Variants in HIPK2 observed in about 807,000 individuals in gnomAD.
HIPK2 encodes the protein homeodomain interacting protein kinase 2.
In HIPK2, 27 loss-of-function variants were observed where a neutral mutation model predicts 113.7. That is an observed-to-expected ratio of 0.24 (90% confidence interval 0.17 to 0.33). HIPK2 has a LOEUF of 0.33. Ranked by LOEUF, HIPK2 falls within the 10% of genes least tolerant of loss-of-function variation. The pLI, the probability that HIPK2 is intolerant of heterozygous loss-of-function variation, is 1.00. For missense variants in HIPK2, 1,257 were observed against 1,588.0 expected (o/e 0.79, Z 3.54); for synonymous variants, 631 against 642.2 (o/e 0.98, Z 0.26).
intron 14 of HIPK2, 61 bp from the exon 15 acceptor site, chr7:139,573,458 GAGGAGGGGC>G: frequency 1.3e-6 from 2 of 1,503,012 alleles, no homozygotes; most frequent in Non-Finnish European, 9.1e-7. Context: ...GAAGGAATGG[GAGGAGGGGC>G]AGGAGGGCAG....
chr7:139,602,257 A>C (rs1270151828), intron 10 of HIPK2, among the ~76,000 whole-genome samples: 1 of 152,096 alleles, frequency 6.6e-6, no homozygotes, highest in Non-Finnish European at 1.5e-5. Flanking sequence ...CCGACCAAGA[A>C]ACTGATATTA....
intron 2 of HIPK2, among the ~76,000 whole-genome samples, chr7:139,712,676 G>A (rs1355073315): frequency 2.0e-5 from 3 of 152,198 alleles, no homozygotes; most frequent in South Asian, 2.1e-4. Context: ...GGGCCTTAAC[G>A]ATGGACAATT....
chr7:139,575,248 G>A lies in HIPK2; in HGVS notation c.3006C>T (p.Ser1002=), dbSNP rs1021677658. 1.3e-6 allele frequency: 2 copies of A among 1,577,526 alleles called. No individual in the cohort carries two copies. Among genetic ancestry groups the A allele is most frequent in the Non-Finnish European group, 1.7e-6 (2 of 1,161,636 alleles). ...CGCTGGTGGAGGTCACGTTGCTGGA[G>A]GACTTGGACTTGTAGGAGGACGAGT... The part of the protein sequence containing the change: ...SHHSSSYKSK[S]SSNVTSTSGH... The change falls in exon 14 of 15, where the codon TCC becomes TCT. Residue 1002 remains serine, a synonymous_variant. Transcript: ENST00000406875.
intron 9 of HIPK2, among the ~76,000 whole-genome samples, chr7:139,609,361 T>C (rs893665157): frequency 6.6e-6 from 1 of 152,154 alleles, no homozygotes; most frequent in Non-Finnish European, 1.5e-5. Context: ...GAGGCCTGTT[T>C]CCCTGAAAGT....
rs1388325003 is a variant in HIPK2, at chr7:139,564,562, G to A, written c.*8365C>T. ...GGACTCACACCTTTTCCCTCCATCT[G>A]GATTGCCTTTCATGTTCTCTTGAGT... On this transcript the variant is annotated 3_prime_UTR_variant, in exon 15 of 15. Coordinates refer to ENST00000406875, the MANE Select transcript of HIPK2 (RefSeq NM_022740.5). 1 of 152,156 alleles carries A rather than the reference G, an allele frequency of 6.6e-6. No individual in the cohort carries two copies. Among genetic ancestry groups the A allele is most frequent in the African/African-American group, 2.4e-5 (1 of 41,420 alleles). The allele number at this position is 152,156 out of a possible 1,614,324, so 9.4% of individuals were successfully genotyped here. A position where few individuals can be genotyped will look rare whatever the true frequency, so the allele number is the denominator to read the frequency against.
chr7:139,705,186 G>C (rs144122622), intron 2 of HIPK2, among the ~76,000 whole-genome samples: 20,909 of 152,274 alleles, frequency 0.14, 1,490 homozygotes, highest in Non-Finnish European at 0.16. Flanking sequence ...CCAGGCCAAG[G>C]AAAATGCATG....
intron 6 of HIPK2, among the ~76,000 whole-genome samples, 192 bp from the exon 7 acceptor site, chr7:139,620,755 G>A (rs1010065612): frequency 6.6e-6 from 1 of 152,164 alleles, no homozygotes; most frequent in Non-Finnish European, 1.5e-5. Context: ...AACAGGCACG[G>A]TTATTCAGAT....
At chr7:139,757,934 T>C (rs1240163421) in intron 1 of HIPK2, among the ~76,000 whole-genome samples, 1 of 152,194 alleles carries the variant, frequency 6.6e-6, no homozygotes, top group African/African-American at 2.4e-5. Context: ...AGATATTATT[T>C]ACAAGGATTA....
In HIPK2 at chr7:139,604,107, T is replaced by C. The variant is rs773587826; in HGVS notation, c.2229A>G (p.Ala743=). The C allele has an allele frequency of 6.2e-7, 1 of 1,613,920 alleles. No homozygotes were observed. The highest frequency in any genetic ancestry group is 2.2e-5 in the East Asian group (1 of 44,870). ...QHATVIPETM[A]GTQQLADWRN... ...TCCAGTCCGCCAGCTGCTGGGTGCC[T>C]GCCATGGTCTCGGGAATCACGGTGG... Residue 743 remains alanine (A), a synonymous_variant, in exon 10 of 15, where the codon GCA becomes GCG. Coordinates refer to ENST00000406875, the MANE Select transcript of HIPK2 (RefSeq NM_022740.5).
intron 2 of HIPK2, among the ~76,000 whole-genome samples, chr7:139,700,442 A>C (rs1381153040): frequency 6.6e-6 from 1 of 152,216 alleles, no homozygotes; most frequent in Non-Finnish European, 1.5e-5. Context: ...CTTTCCTGCA[A>C]ATACTCAGAA....
At chr7:139,667,512 A>T (rs1474080543) in intron 2 of HIPK2, among the ~76,000 whole-genome samples, 1 of 152,184 alleles carries the variant, frequency 6.6e-6, no homozygotes, top group Non-Finnish European at 1.5e-5. Flanking sequence ...TTTTTGATCT[A>T]CCCTTTGTGA....
Position 139,727,935 on chromosome 7 carries a change from ATTTTTTTTTTT to A in HIPK2, c.20-10931_20-10921del, listed in dbSNP as rs10524758. ...TTTGAAACAAGAGTGGCATTGGCTA[ATTTTTTTTTTT>A]TTTTTTTTTTTTTGAGACAGGGTCT... is the stretch of plus-strand genomic sequence containing the variant. On this transcript the variant is annotated intron_variant, in intron 1 of 14. Transcript: ENST00000406875. Among the ~76,000 whole-genome samples, 697 of 116,722 alleles carry A rather than the reference ATTTTTTTTTTT, an allele frequency of 6.0e-3. 13 individuals are homozygous for A. The highest frequency in any genetic ancestry group is 0.048 in the East Asian group (168 of 3,484). The allele number at this position is 116,722 out of a possible 152,430, so 76.6% of individuals were successfully genotyped here.
At chr7:139,775,100 C>T (rs1333746979) in intron 1 of HIPK2, among the ~76,000 whole-genome samples, 1 of 152,168 alleles carries the variant, frequency 6.6e-6, no homozygotes, top group Non-Finnish European at 1.5e-5. Flanking sequence ...CCTCTCGTGT[C>T]GTTATACTTT....
rs772726482 is a variant in HIPK2, at chr7:139,573,212, G to C, written c.3312C>G (p.Thr1104=). ...AHLPTQPHLY[T]YTAPAALGST... ...AGCCCAGGGCCGCCGGCGCAGTGTA[G>C]GTGTAGAGGTGGGGCTGGGTGGGGA... Residue 1104 remains threonine (T), a synonymous_variant, in exon 15 of 15, where the codon ACC becomes ACG. Transcript: ENST00000406875. 6.2e-6 allele frequency: 10 copies of C among 1,606,192 alleles called. No individual in the cohort carries two copies. The South Asian group carries it at 1.1e-4, about 18-fold the overall frequency.
intron 2 of HIPK2, among the ~76,000 whole-genome samples, chr7:139,636,337 T>C (rs2116332844): frequency 6.6e-6 from 1 of 152,030 alleles, no homozygotes; most frequent in East Asian, 1.9e-4. Flanking sequence ...CCGTCTTCTC[T>C]CCTTCCACCC....
chr7:139,641,711 C>T (rs1014072011), intron 2 of HIPK2, among the ~76,000 whole-genome samples: 6 of 152,262 alleles, frequency 3.9e-5, no homozygotes, highest in East Asian at 1.9e-4. Context: ...AGGGCTGGGA[C>T]GCAGGGTTCA....
chr7:139,620,583 A>C lies in HIPK2; in HGVS notation c.1620-20T>G. On this transcript the variant is annotated intron_variant, in intron 6 of 14. Coordinates refer to ENST00000406875, the MANE Select transcript of HIPK2 (RefSeq NM_022740.5). ...TTGACGCTGTTCATGCAAAAGGCAG[A>C]GGCATATTGAGACATAAGGGGAGGG... 2.5e-6 allele frequency: 4 copies of C among 1,612,568 alleles called. No homozygotes were observed. In the East Asian group the frequency reaches 8.9e-5, roughly 36 times the overall value.
At chr7:139,713,001 G>A (rs1437023017) in intron 2 of HIPK2, among the ~76,000 whole-genome samples, 1 of 152,162 alleles carries the variant, frequency 6.6e-6, no homozygotes. Flanking sequence ...CTGACATGAG[G>A]GCCTGAAGGT....
At chr7:139,756,404 CTTTA>C (rs1472219554) in intron 1 of HIPK2, among the ~76,000 whole-genome samples, 1 of 152,034 alleles carries the variant, frequency 6.6e-6, no homozygotes, top group Non-Finnish European at 1.5e-5. Flanking sequence ...AATTACTAGA[CTTTA>C]TTTAGTTTTT....
Sources: allele counts gnomAD v4.1 joint callset (sites outside exome capture counted in the v4.1 genomes callset), GRCh38; gene constraint gnomAD v4.1.1; transcripts MANE v1.5; gene names NCBI Gene and HGNC (gene_info 2026-07-23, HGNC 2026-07-21).